The following TMEM132D variants were observed in gnomAD, a reference collection of about 807,000 sequenced individuals.
The protein encoded by TMEM132D is mature OL transmembrane protein.
A neutral mutation model predicts 62.3 loss-of-function variants in TMEM132D; 21 were observed. That is an observed-to-expected ratio of 0.34 (90% CI 0.24 to 0.49). The LOEUF is 0.49. Among genes scored for constraint, TMEM132D ranks in the 20% least tolerant of loss-of-function variants. The pLI is 0.99. For synonymous variants in TMEM132D, 621 were observed against 575.6 expected (o/e 1.08, Z -1.13); for missense variants, 1,346 against 1,402.8 (o/e 0.96, Z 0.65).
At chr12:129,588,511 G>A (rs571253026) in intron 2 of TMEM132D, among the ~76,000 whole-genome samples, 2 of 152,306 alleles carry the variant, frequency 1.3e-5, no homozygotes, top group Admixed American at 6.5e-5. Context: ...AGGATGCATG[G>A]AGTTGCCAGA....
chr12:129,350,771 T>A (rs1161490516), intron 3 of TMEM132D, among the ~76,000 whole-genome samples: 1 of 152,176 alleles, frequency 6.6e-6, no homozygotes, highest in Non-Finnish European at 1.5e-5. Flanking sequence ...CTGAACATCA[T>A]AAACATAATC....
chr12:129,484,651 CTTCT>C (rs1434497394), intron 3 of TMEM132D, among the ~76,000 whole-genome samples: 1 of 152,160 alleles, frequency 6.6e-6, no homozygotes, highest in African/African-American at 2.4e-5. Flanking sequence ...ACAATGGAAT[CTTCT>C]TTCTTTCTTC....
intron 3 of TMEM132D, among the ~76,000 whole-genome samples, chr12:129,439,433 A>G (rs1872878248): frequency 1.3e-5 from 2 of 152,042 alleles, no homozygotes; most frequent in Admixed American, 1.3e-4. Flanking sequence ...TTCTCCAAGC[A>G]CTGGAGTTGT....
At chr12:129,351,367 A>G (rs556006843) in intron 3 of TMEM132D, among the ~76,000 whole-genome samples, 1 of 152,344 alleles carries the variant, frequency 6.6e-6, no homozygotes, top group South Asian at 2.1e-4. Flanking sequence ...GTATCCAGTT[A>G]CAAGTTAAAG....
Position 129,464,851 on chromosome 12 carries a change from AC to A in TMEM132D, c.1115+66207del, listed in dbSNP as rs527667737. Among the ~76,000 whole-genome samples the A allele has an allele frequency of 6.1e-3, 933 of 152,168 alleles. 8 individuals carry two copies. The highest frequency in any genetic ancestry group is 0.021 in the African/African-American group (887 of 41,506). On this transcript the variant is annotated intron_variant, in intron 3 of 8. Transcript: ENST00000422113. ...TCTATATCTCTGTTTTGGTACCAGT[AC>A]CATGTTGTTTTGGTTACTGTAGCCT... is the stretch of plus-strand genomic sequence containing the variant.
intron 3 of TMEM132D, among the ~76,000 whole-genome samples, chr12:129,357,551 A>G (rs1870110878): frequency 6.6e-6 from 1 of 152,050 alleles, no homozygotes; most frequent in Non-Finnish European, 1.5e-5. Flanking sequence ...AAGAAAAGAA[A>G]GAAAGGAAGA....
At chr12:129,710,934 G>T (rs116801415) in intron 1 of TMEM132D, among the ~76,000 whole-genome samples, 1 of 151,826 alleles carries the variant, frequency 6.6e-6, no homozygotes, top group Non-Finnish European at 1.5e-5. Flanking sequence ...CTACCCACGC[G>T]CATTCCCCGG....
At chr12:129,487,671 A>C (rs545885037) in intron 3 of TMEM132D, among the ~76,000 whole-genome samples, 39 of 152,058 alleles carry the variant, frequency 2.6e-4, no homozygotes, top group African/African-American at 9.2e-4. Context: ...TCAAGAGTGG[A>C]TCTGTAATCC....
At chr12:129,843,083 G>A (rs148478974) in intron 1 of TMEM132D, among the ~76,000 whole-genome samples, 94 of 152,234 alleles carry the variant, frequency 6.2e-4, no homozygotes, top group Non-Finnish European at 1.2e-3. Flanking sequence ...CTCTAACAAT[G>A]TTACGAATAT....
intron 4 of TMEM132D, among the ~76,000 whole-genome samples, chr12:129,280,884 C>T (rs1464681855): frequency 6.6e-6 from 1 of 151,776 alleles, no homozygotes; most frequent in East Asian, 1.9e-4. Context: ...AAACTTAATA[C>T]AGGATTCTAG....
At position 129,659,131 on chromosome 12, in the gene TMEM132D, T is replaced by C. The variant is rs187817569; in HGVS notation, c.968+40679A>G. On this transcript the variant is annotated intron_variant, in intron 2 of 8. Coordinates refer to ENST00000422113, the MANE Select transcript of TMEM132D (RefSeq NM_133448.3). ...TTCGTCATGTTGTCCAGGCTGATCT[T>C]GAACTTTAGCAGTCATCTTGGAAGT... Among the ~76,000 whole-genome samples the C allele has an allele frequency of 2.2e-3, 336 of 152,246 alleles. 2 individuals carry two copies. The highest frequency in any genetic ancestry group is 7.8e-3 in the African/African-American group (324 of 41,542).
intron 2 of TMEM132D, among the ~76,000 whole-genome samples, chr12:129,694,139 TA>T: frequency 6.6e-6 from 1 of 152,214 alleles, no homozygotes; most frequent in East Asian, 1.9e-4. Flanking sequence ...TCTTTTAAAC[TA>T]AAAAGGCAAG....
chr12:129,198,287 A>G (rs1162990936), intron 5 of TMEM132D, among the ~76,000 whole-genome samples: 1 of 152,220 alleles, frequency 6.6e-6, no homozygotes, highest in Non-Finnish European at 1.5e-5. Context: ...TAGAATTACC[A>G]TATAATCTAG....
intron 2 of TMEM132D, among the ~76,000 whole-genome samples, chr12:129,565,808 G>A (rs1220363590): frequency 1.3e-5 from 2 of 152,116 alleles, no homozygotes; most frequent in Admixed American, 6.6e-5. Flanking sequence ...TCTCTTGGTC[G>A]AATTCTTTCT....
At chr12:129,417,956 T>C (rs1329850964) in intron 3 of TMEM132D, among the ~76,000 whole-genome samples, 8 of 152,212 alleles carry the variant, frequency 5.3e-5, no homozygotes, top group South Asian at 2.1e-4. Context: ...AAAAAGCTCA[T>C]CGTCACTGGT....
intron 2 of TMEM132D, among the ~76,000 whole-genome samples, chr12:129,589,136 C>T (rs1878120799): frequency 6.6e-6 from 1 of 152,026 alleles, no homozygotes; most frequent in Non-Finnish European, 1.5e-5. Flanking sequence ...ATTGTAGCTC[C>T]CATAATTCCC....
chr12:129,507,197 T>A (rs1438425822), intron 3 of TMEM132D, among the ~76,000 whole-genome samples: 1 of 151,794 alleles, frequency 6.6e-6, no homozygotes, highest in African/African-American at 2.4e-5. Flanking sequence ...AATAAAAAAA[T>A]AAAAAATAAA....
chr12:129,449,151 T>G lies in TMEM132D; in HGVS notation c.1115+81908A>C, dbSNP rs138335321. Among the ~76,000 whole-genome samples the G allele has an allele frequency of 8.1e-3, 1,228 of 152,332 alleles. 12 individuals carry two copies. Among genetic ancestry groups the G allele is most frequent in the African/African-American group, 0.026 (1,096 of 41,566 alleles). ...AGTATTGTTAAGAGGGAAGACCCTA[T>G]GCATTGGCTTTAGGAGCTCCAGAGT... is the stretch of plus-strand genomic sequence containing the variant. On this transcript the variant is annotated intron_variant, in intron 3 of 8. Transcript: ENST00000422113.
At chr12:129,707,840 G>C (rs755853381) in intron 1 of TMEM132D, among the ~76,000 whole-genome samples, 1 of 152,126 alleles carries the variant, frequency 6.6e-6, no homozygotes, top group Non-Finnish European at 1.5e-5. Flanking sequence ...TCCTCATGAG[G>C]CTGGCATTGG....
Sources: allele counts gnomAD v4.1 joint callset (sites outside exome capture counted in the v4.1 genomes callset), GRCh38; gene constraint gnomAD v4.1.1; transcripts MANE v1.5; gene names NCBI Gene and HGNC (gene_info 2026-07-23, HGNC 2026-07-21).